The following SNX29 variants were observed in gnomAD, a reference collection of about 807,000 sequenced individuals.
SNX29 encodes sorting nexin 29.
SNX29 carries 78 observed loss-of-function variants against 102.1 expected under a neutral mutation model. The observed-to-expected ratio is 0.76, with a 90% CI of 0.64 to 0.92. The LOEUF (loss-of-function observed/expected upper bound fraction) is 0.92, where lower values mean the gene tolerates loss of function less well. Ranked by LOEUF, SNX29 falls within the 40% of genes least tolerant of loss-of-function variation. SNX29 has a pLI of 0.00. For missense variants in SNX29, 1,280 were observed against 1,061.7 expected (o/e 1.21, Z -2.86); for synonymous variants, 580 against 414.5 (o/e 1.40, Z -4.85).
chr16:12,248,884 A>G (rs2078340069), intron 14 of SNX29, among the ~76,000 whole-genome samples: 1 of 152,020 alleles, frequency 6.6e-6, no homozygotes, highest in Non-Finnish European at 1.5e-5. Context: ...AAGAGTAAGG[A>G]CTGTTCTATT....
chr16:12,568,869 C>G lies in SNX29; in HGVS notation c.*240C>G. On this transcript the variant is annotated 3_prime_UTR_variant, in exon 21 of 21. Coordinates refer to ENST00000566228, the MANE Select transcript of SNX29 (RefSeq NM_032167.5). Reference sequence around the variant, plus strand: ...GGAGAGACTGGGACACACAGTCCTTCTGCTTCTGGGGTCTACCCTGGGCTG... The same window carrying G: ...GGAGAGACTGGGACACACAGTCCTTGTGCTTCTGGGGTCTACCCTGGGCTG... The G allele has an allele frequency of 1.7e-6, 1 of 605,882 alleles. No homozygotes were observed. Among genetic ancestry groups the G allele is most frequent in the Middle Eastern group, 4.6e-4 (1 of 2,196 alleles). The allele number at this position is 605,882 out of a possible 1,614,324, so 37.5% of individuals were successfully genotyped here.
intron 14 of SNX29, among the ~76,000 whole-genome samples, chr16:12,250,086 G>T (rs1376993915): frequency 2.0e-5 from 3 of 152,206 alleles, no homozygotes; most frequent in African/African-American, 7.2e-5. Context: ...CTGTGGTGGG[G>T]ACAGGCAGGG....
At chr16:12,378,814 G>C (rs2082972195) in intron 16 of SNX29, among the ~76,000 whole-genome samples, 2 of 152,150 alleles carry the variant, frequency 1.3e-5, no homozygotes, top group Non-Finnish European at 2.9e-5. Context: ...CCCCAGCCCA[G>C]TCCGTCTCCC....
intron 1 of SNX29, among the ~76,000 whole-genome samples, chr16:11,986,280 C>G (rs1472762686): frequency 6.6e-6 from 1 of 151,676 alleles, no homozygotes; most frequent in African/African-American, 2.4e-5. Context: ...AGGCAGTACC[C>G]CGCTTCCTCC....
chr16:12,489,301 T>A (rs75152014), intron 19 of SNX29, among the ~76,000 whole-genome samples: 1 of 151,910 alleles, frequency 6.6e-6, no homozygotes, highest in Non-Finnish European at 1.5e-5. Context: ...AAAAAAAAAT[T>A]CAGCCTCTCA....
At position 12,011,724 on chromosome 16, in the gene SNX29, G is replaced by A. The variant is rs112268894; in HGVS notation, c.122+8681G>A. ...GACAGTGGAGAGAGGTGGTGAGCAT[G>A]GGGTGTGAGCTTTGGTGTCAGATAT... On this transcript the variant is annotated intron_variant, in intron 3 of 20. Coordinates refer to ENST00000566228, the MANE Select transcript of SNX29 (RefSeq NM_032167.5). Among the ~76,000 whole-genome samples, 671 of 152,244 alleles carry A rather than the reference G, an allele frequency of 4.4e-3. 13 individuals carry two copies. The highest frequency in any genetic ancestry group is 0.015 in the African/African-American group (640 of 41,502).
chr16:12,485,389 C>T (rs543827821), intron 19 of SNX29, among the ~76,000 whole-genome samples: 135 of 152,292 alleles, frequency 8.9e-4, no homozygotes, highest in African/African-American at 3.0e-3. Flanking sequence ...TAATAGATTC[C>T]GTCTCCAAAA....
At chr16:12,250,584 T>G (rs1243940858) in intron 14 of SNX29, among the ~76,000 whole-genome samples, 2 of 152,228 alleles carry the variant, frequency 1.3e-5, no homozygotes, top group East Asian at 3.9e-4. Flanking sequence ...AATGCAGAGC[T>G]TGATGCAGTC....
At chr16:12,083,801 C>T (rs566154040) in intron 11 of SNX29, among the ~76,000 whole-genome samples, 67 of 152,328 alleles carry the variant, frequency 4.4e-4, no homozygotes, top group Admixed American at 1.1e-3. Flanking sequence ...CAGCTCTGCC[C>T]CACAAAGCAG....
chr16:12,571,842 T>C lies in SNX29; in HGVS notation c.*3213T>C. Reference sequence around the variant, plus strand: ...CTTTGATTCCCACTTAGCAGTATGCTCCAATCACGTTGCTGGCAAGGCATT... The same window carrying C: ...CTTTGATTCCCACTTAGCAGTATGCCCCAATCACGTTGCTGGCAAGGCATT... On this transcript the variant is annotated 3_prime_UTR_variant, in exon 21 of 21. Coordinates refer to ENST00000566228, the MANE Select transcript of SNX29 (RefSeq NM_032167.5). The C allele has an allele frequency of 9.5e-7, 1 of 1,054,376 alleles. No homozygotes were observed. Among genetic ancestry groups the C allele is most frequent in the Non-Finnish European group, 1.1e-6 (1 of 870,416 alleles). 65.3% of individuals were successfully genotyped at this position (1,054,376 alleles called of 1,614,324 possible).
chr16:12,386,462 C>T (rs563795128), intron 16 of SNX29, among the ~76,000 whole-genome samples: 29 of 152,198 alleles, frequency 1.9e-4, no homozygotes, highest in African/African-American at 5.8e-4. Flanking sequence ...GGAGGCAATT[C>T]GCAATGTGAA....
At chr16:11,996,391 C>T (rs1325600725) in intron 1 of SNX29, among the ~76,000 whole-genome samples, 1 of 152,016 alleles carries the variant, frequency 6.6e-6, no homozygotes. Context: ...AAAAAAACGC[C>T]AAAAAATAAA....
chr16:12,556,798 C>T (rs973960162), intron 20 of SNX29, among the ~76,000 whole-genome samples: 6 of 152,006 alleles, frequency 3.9e-5, no homozygotes, highest in Non-Finnish European at 8.8e-5. Flanking sequence ...ACAGTTGCCC[C>T]CTTTACTAAA....
At position 12,477,745 on chromosome 16, in the gene SNX29, A is replaced by G; in HGVS notation, c.2064A>G (p.Glu688=). ...YQVYIRIKDD[E]WNIYRRYTEF... ...TCTACATCCGGATAAAAGACGATGA[A>G]TGGAATATTTATCGCCGGTATACAG... The change falls in exon 19 of 21, where the codon GAA becomes GAG. Residue 688 remains glutamate, a synonymous_variant. Transcript: ENST00000566228. The G allele has an allele frequency of 6.2e-7, 1 of 1,612,826 alleles. No homozygotes were observed. Among genetic ancestry groups the G allele is most frequent in the Non-Finnish European group, 8.5e-7 (1 of 1,179,580 alleles).
chr16:12,066,373 A>G lies in SNX29; in HGVS notation c.1244-2684A>G, dbSNP rs191953806. On this transcript the variant is annotated intron_variant, in intron 9 of 20. Coordinates refer to ENST00000566228, the MANE Select transcript of SNX29 (RefSeq NM_032167.5). ...AGTCTTGGATCCCCCTGGCTCTGTG[A>G]TGGGATGGAGGGTGGGTGCCGTGCT... is the stretch of plus-strand genomic sequence containing the variant. Among the ~76,000 whole-genome samples, 367 of 152,182 alleles carry G rather than the reference A, an allele frequency of 2.4e-3. 2 individuals carry two copies. Among genetic ancestry groups the G allele is most frequent in the Middle Eastern group, 0.014 (4 of 294 alleles).
chr16:12,124,117 G>A (rs568706084), intron 11 of SNX29, among the ~76,000 whole-genome samples: 95 of 152,274 alleles, frequency 6.2e-4, no homozygotes, highest in Admixed American at 1.2e-3. Flanking sequence ...CAGCACTTTG[G>A]GAGGCCGAGG....
intron 1 of SNX29, among the ~76,000 whole-genome samples, chr16:11,990,499 C>G (rs1316065459): frequency 1.3e-5 from 2 of 152,148 alleles, no homozygotes; most frequent in South Asian, 2.1e-4. Flanking sequence ...TTGGGCAGCC[C>G]TTTCTGCCCC....
chr16:12,123,804 G>A (rs996946640), intron 11 of SNX29, among the ~76,000 whole-genome samples: 4 of 152,300 alleles, frequency 2.6e-5, no homozygotes, highest in South Asian at 2.1e-4. Context: ...GAAAGGGCTG[G>A]ACAGTAGATA....
At chr16:12,019,905 G>A (rs144354755) in intron 3 of SNX29, among the ~76,000 whole-genome samples, 387 of 152,142 alleles carry the variant, frequency 2.5e-3, no homozygotes, top group African/African-American at 8.7e-3. Flanking sequence ...CCAAAGCACT[G>A]GGATTACAGG....
Sources: gnomAD v4.1 joint callset for allele counts (sites outside exome capture counted in the v4.1 genomes callset) on GRCh38, gnomAD v4.1.1 for gene constraint, MANE v1.5 for transcripts, NCBI Gene and HGNC (gene_info 2026-07-23, HGNC 2026-07-21) for gene names.